The following PTBP3 variants were observed in gnomAD, a reference collection of about 807,000 sequenced individuals.
PTBP3 encodes polypyrimidine tract binding protein 3.
Under a neutral mutation model 58.7 loss-of-function variants are expected in PTBP3, and 20 were observed. That is an observed-to-expected ratio of 0.34 (90% CI 0.24 to 0.50). The LOEUF is 0.50. Ranked by LOEUF, PTBP3 falls within the 20% of genes least tolerant of loss-of-function variation. The pLI, the probability that PTBP3 is intolerant of heterozygous loss-of-function variation, is 0.98. For synonymous variants in PTBP3, 185 were observed against 219.8 expected (o/e 0.84, Z 1.40); for missense variants, 509 against 637.2 (o/e 0.80, Z 2.17).
intron 2 of PTBP3, among the ~76,000 whole-genome samples, chr9:112,282,625 T>C (rs1827918914): frequency 1.3e-5 from 2 of 152,186 alleles, no homozygotes; most frequent in Admixed American, 1.3e-4. Flanking sequence ...CTTTGATCAA[T>C]GGGTTAAGTT....
chr9:112,314,997 A>T (rs966392394), intron 1 of PTBP3, among the ~76,000 whole-genome samples: 1 of 152,038 alleles, frequency 6.6e-6, no homozygotes, highest in Non-Finnish European at 1.5e-5. Context: ...ATGCCCGGCT[A>T]ATTTTTTGTA....
chr9:112,228,502 T>C lies in PTBP3; in HGVS notation c.1055-30A>G, dbSNP rs1313308341. ...TTAAAACAAAACAAAACACTGTGTT[T>C]AACGTCTGATTGTGTTGTGTTTAAT... On this transcript the variant is annotated intron_variant, in intron 10 of 13. Transcript: ENST00000374257. The C allele has an allele frequency of 3.5e-6, 5 of 1,411,426 alleles. No individual in the cohort carries two copies. In the African/African-American group the frequency reaches 7.2e-5, roughly 20 times the overall value. 87.4% of individuals were successfully genotyped at this position (1,411,426 alleles called of 1,614,324 possible).
chr9:112,333,132 G>A (rs1389997967), intron 1 of PTBP3: 6 of 1,248,720 alleles, frequency 4.8e-6, no homozygotes, highest in African/African-American at 1.6e-5. Flanking sequence ...TCGGGAGGCC[G>A]AGCTGGGCTC....
At chr9:112,254,227 C>T (rs1648577997) in intron 5 of PTBP3, among the ~76,000 whole-genome samples, 1 of 152,128 alleles carries the variant, frequency 6.6e-6, no homozygotes, top group Non-Finnish European at 1.5e-5. Context: ...CTCAAGTTAT[C>T]CTCCCATCTT....
At chr9:112,303,899 G>C (rs1829056021) in intron 1 of PTBP3, among the ~76,000 whole-genome samples, 1 of 149,254 alleles carries the variant, frequency 6.7e-6, no homozygotes. Flanking sequence ...GGGCACAGTG[G>C]CTCACACCTG....
At chr9:112,313,228 A>C (rs1829560838) in intron 1 of PTBP3, among the ~76,000 whole-genome samples, 1 of 152,092 alleles carries the variant, frequency 6.6e-6, no homozygotes, top group South Asian at 2.1e-4. Flanking sequence ...TTTAAGAGAC[A>C]GGGTCTCGCT....
At chr9:112,376,694 G>A in the PTBP3 span, among the ~76,000 whole-genome samples, 4 of 152,148 alleles carry the variant, frequency 2.6e-5, no homozygotes, top group South Asian at 6.2e-4. Flanking sequence ...CACAGGAGAA[G>A]GATGTAGGCT....
chr9:112,340,322 G>T, the PTBP3 span, among the ~76,000 whole-genome samples: 7 of 152,064 alleles, frequency 4.6e-5, no homozygotes, highest in East Asian at 1.4e-3. Context: ...TTCTTCCTCA[G>T]CATTACCAAT....
At chr9:112,228,339 G>A in intron 11 of PTBP3, 41 bp downstream of exon 11, 1 of 1,421,580 alleles carries the variant, frequency 7.0e-7, no homozygotes, top group Non-Finnish European at 9.6e-7. Flanking sequence ...CACAAAAGGG[G>A]CAAGTTCACA....
Position 112,333,565 on chromosome 9 carries a change from G to C in PTBP3, c.-147C>G, listed in dbSNP as rs1310510726. On this transcript the variant is annotated 5_prime_UTR_variant, in exon 1 of 14. Transcript: ENST00000374257. ...GCGGCGGCAGCAGGGCGGTTCCGGGGACAAGCGAGCTTTGGCTCTGCGGAG... is the reference window on the plus strand; with the variant it reads ...GCGGCGGCAGCAGGGCGGTTCCGGGCACAAGCGAGCTTTGGCTCTGCGGAG... 2.7e-6 allele frequency: 4 copies of C among 1,492,842 alleles called. No individual in the cohort carries two copies. The highest frequency in any genetic ancestry group is 1.4e-5 in the African/African-American group (1 of 69,278). 92.5% of individuals were successfully genotyped at this position (1,492,842 alleles called of 1,614,324 possible). A position where few individuals can be genotyped will look rare whatever the true frequency, so the allele number is the denominator to read the frequency against.
intron 5 of PTBP3, among the ~76,000 whole-genome samples, chr9:112,259,542 ATATAACT>A (rs1201341375): frequency 6.6e-6 from 1 of 152,186 alleles, no homozygotes; most frequent in Admixed American, 6.5e-5. Flanking sequence ...CCACATACAC[ATATAACT>A]TATATCTTCA....
chr9:112,233,939 C>T (rs1479734666), intron 8 of PTBP3, among the ~76,000 whole-genome samples: 1 of 56,474 alleles, frequency 1.8e-5, no homozygotes, highest in Non-Finnish European at 3.2e-5. Flanking sequence ...CTCACAACAA[C>T]AACAAAAAAA....
At chr9:112,338,110 A>G (rs1220346975), upstream of PTBP3, among the ~76,000 whole-genome samples, 1 of 152,230 alleles carries the variant, frequency 6.6e-6, no homozygotes. Context: ...TCAAAATGAC[A>G]AAATTATAGA....
chr9:112,320,314 A>ATATATTTTTTT, intron 1 of PTBP3, among the ~76,000 whole-genome samples: 5 of 75,694 alleles, frequency 6.6e-5, no homozygotes, highest in South Asian at 9.7e-4. Flanking sequence ...ATATATATAT[A>ATATATTTTTTT]TTTTTTTTTA....
intron 7 of PTBP3, 52 bp downstream of exon 7, chr9:112,250,877 A>G: frequency 7.0e-7 from 1 of 1,430,900 alleles, no homozygotes; most frequent in South Asian, 1.7e-5. Context: ...TTAATAAATG[A>G]AACTTGTAAC....
rs551188113 is a variant in PTBP3, at chr9:112,327,751, T to TA, written c.-52+5718dup. On this transcript the variant is annotated intron_variant, in intron 1 of 13. Coordinates refer to ENST00000374257, the MANE Select transcript of PTBP3 (RefSeq NM_001163788.4). The stretch of plus-strand genomic sequence containing the variant: ...ACCTGTCTTCAAGAAAATTCCAATT[T>TA]AAAAAATGAAATGATTTCTTTCTCA... Among the ~76,000 whole-genome samples the TA allele has an allele frequency of 3.6e-3, 537 of 148,854 alleles. 1 individual carries two copies. Among genetic ancestry groups the TA allele is most frequent in the Non-Finnish European group, 6.1e-3 (412 of 67,472 alleles).
the PTBP3 span, among the ~76,000 whole-genome samples, chr9:112,368,892 A>G: frequency 6.6e-6 from 1 of 152,246 alleles, no homozygotes; most frequent in Non-Finnish European, 1.5e-5. Flanking sequence ...TTCATGGGCC[A>G]GGGCCAGGGC....
upstream of PTBP3, among the ~76,000 whole-genome samples, chr9:112,336,482 TAA>T (rs879792044): frequency 2.1e-5 from 3 of 142,768 alleles, no homozygotes; most frequent in Non-Finnish European, 3.0e-5. Context: ...TTTCTTTATT[TAA>T]AAAAAAAAAA....
chr9:112,361,324 C>A, the PTBP3 span, among the ~76,000 whole-genome samples: 1 of 152,126 alleles, frequency 6.6e-6, no homozygotes, highest in Non-Finnish European at 1.5e-5. Context: ...GTCTTGAACT[C>A]CTGACCTCAG....
Sources: gnomAD v4.1 joint callset for allele counts (sites outside exome capture counted in the v4.1 genomes callset) on GRCh38, gnomAD v4.1.1 for gene constraint, MANE v1.5 for transcripts, NCBI Gene and HGNC (gene_info 2026-07-23, HGNC 2026-07-21) for gene names.